SNAP47: variants seen among roughly 807,000 people sequenced by gnomAD.
SNAP47 encodes the protein synaptosome associated protein 47, also known as synaptosomal-associated protein 47.
A neutral mutation model predicts 31.4 loss-of-function variants in SNAP47; 20 were observed. That is an observed-to-expected ratio of 0.64 (90% CI 0.45 to 0.93). SNAP47 has a LOEUF of 0.93. Ranked by LOEUF, SNAP47 falls within the 40% of genes least tolerant of loss-of-function variation. The probability of loss-of-function intolerance (pLI) is 0.00; values close to 1 mark genes in which losing one functional copy is unlikely to be tolerated. For synonymous variants in SNAP47, 194 were observed against 213.4 expected (o/e 0.91, Z 0.79); for missense variants, 492 against 528.5 (o/e 0.93, Z 0.68).
intron 4 of SNAP47, among the ~76,000 whole-genome samples, chr1:227,773,005 G>C (rs1488883281): frequency 2.0e-5 from 3 of 152,086 alleles, no homozygotes; most frequent in Admixed American, 2.0e-4. Flanking sequence ...CTGTCTCCCA[G>C]GCTGGAGTGC....
Position 227,751,798 on chromosome 1 carries a change from C to T in SNAP47, c.497+3565C>T, listed in dbSNP as rs528173967. The stretch of plus-strand genomic sequence containing the variant: ...TTTTTTTTTGAGACGGAGTCTCGCT[C>T]TGTCTCCCAGGCTGGAGTGCAGTGG... On this transcript the variant is annotated intron_variant, in intron 2 of 4. Transcript: ENST00000617596. Among the ~76,000 whole-genome samples the T allele has an allele frequency of 1.1e-4, 12 of 113,820 alleles. No individual in the cohort carries two copies. In the East Asian group the frequency reaches 2.1e-3, roughly 20 times the overall value. The allele number at this position is 113,820 out of a possible 152,430, so 74.7% of individuals were successfully genotyped here.
At chr1:227,735,152 T>A (rs777101659), upstream of SNAP47, 4 of 1,581,540 alleles carry the variant, frequency 2.5e-6, no homozygotes, top group African/African-American at 4.1e-5. Flanking sequence ...AAAGTCGGCG[T>A]AGGAGAAGGC....
At chr1:227,750,713 C>T (rs74914234) in intron 2 of SNAP47, among the ~76,000 whole-genome samples, 2,734 of 152,300 alleles carry the variant, frequency 0.018, 84 homozygotes, top group African/African-American at 0.062. Flanking sequence ...TGGCCATAGG[C>T]GAGGGTGCTG....
chr1:227,757,334 T>C (rs556971355), intron 2 of SNAP47, among the ~76,000 whole-genome samples: 18 of 152,316 alleles, frequency 1.2e-4, no homozygotes, highest in African/African-American at 3.9e-4. Flanking sequence ...CAGACCATCT[T>C]GGGTGCAGCC....
upstream of SNAP47, chr1:227,735,410 A>T (rs1661048241): frequency 1.9e-6 from 3 of 1,557,056 alleles, no homozygotes; most frequent in East Asian, 2.4e-5. Context: ...GCCTGCACGC[A>T]TGCGCGCGGC....
intron 4 of SNAP47, 74 bp downstream of exon 4, chr1:227,767,157 T>C: frequency 6.3e-7 from 1 of 1,578,782 alleles, no homozygotes; most frequent in Non-Finnish European, 8.6e-7. Context: ...CTTGCCTTTC[T>C]GATCACAAAC....
intron 4 of SNAP47, among the ~76,000 whole-genome samples, chr1:227,774,424 G>A (rs879452726): frequency 1.3e-5 from 2 of 152,172 alleles, no homozygotes; most frequent in African/African-American, 2.4e-5. Flanking sequence ...GTCACCCACC[G>A]GGAGAGTGAG....
At chr1:227,770,959 G>A (rs1315912150) in intron 4 of SNAP47, among the ~76,000 whole-genome samples, 11 of 152,236 alleles carry the variant, frequency 7.2e-5, no homozygotes, top group Non-Finnish European at 1.3e-4. Flanking sequence ...CTGGGAGTGT[G>A]TGGAGCAGGC....
chr1:227,739,373 G>C (rs1466545096), intron 1 of SNAP47, among the ~76,000 whole-genome samples: 1 of 152,182 alleles, frequency 6.6e-6, no homozygotes, highest in African/African-American at 2.4e-5. Flanking sequence ...TACGCTTTGT[G>C]CCGAATATGT....
chr1:227,730,237 C>T (rs1189000117), upstream of SNAP47, among the ~76,000 whole-genome samples: 2 of 152,196 alleles, frequency 1.3e-5, no homozygotes, highest in African/African-American at 2.4e-5. Flanking sequence ...CCTGTCAGGC[C>T]TCTTGCAGAG....
At position 227,741,172 on chromosome 1, in the gene SNAP47, G is replaced by A. The variant is rs767266965; in HGVS notation, c.-46+5673G>A. Among the ~76,000 whole-genome samples, 14 of 152,170 alleles carry A rather than the reference G, an allele frequency of 9.2e-5. No individual in the cohort carries two copies. Among genetic ancestry groups the A allele is most frequent in the African/African-American group, 1.4e-4 (6 of 41,422 alleles). ...GTGATCAGATGTCCAAGTTTGAAGC[G>A]TGAGGGAGTCTGGCTGGAGTGGGTG... On this transcript the variant is annotated intron_variant, in intron 1 of 4. Transcript: ENST00000617596. This position sits in a 1 kb window ranked among gnomAD's most constrained non-coding sequence, Gnocchi z 4.2.
chr1:227,775,777 T>C (rs1291065466), intron 4 of SNAP47: 23 of 1,303,294 alleles, frequency 1.8e-5, no homozygotes, highest in Non-Finnish European at 2.2e-5. Context: ...TTCTCTTGTT[T>C]TTGCTCTGCA....
chr1:227,732,832 G>A (rs757573741), upstream of SNAP47: 4 of 1,608,058 alleles, frequency 2.5e-6, no homozygotes, highest in Non-Finnish European at 3.4e-6. Context: ...GAGCCATGCA[G>A]CCTAAAAGCC....
intron 1 of SNAP47, among the ~76,000 whole-genome samples, chr1:227,742,441 G>A (rs1661670495): frequency 6.6e-6 from 1 of 152,138 alleles, no homozygotes; most frequent in Admixed American, 6.5e-5. Flanking sequence ...GTGACCTTAG[G>A]TCTTTTAGTT....
intron 2 of SNAP47, among the ~76,000 whole-genome samples, chr1:227,757,898 TC>T (rs1397773864): frequency 2.6e-5 from 4 of 152,194 alleles, no homozygotes; most frequent in African/African-American, 9.6e-5. Context: ...TGGCAGCCAT[TC>T]CTTCAAATAA....
rs1022619965 is a variant in SNAP47, at chr1:227,741,382, C to T, written c.-46+5883C>T. ...CTGGAGACCTGGAGAGGGTAGTGGC[C>T]AGGGAGCCAGGGTGCAGTGACTCTC... On this transcript the variant is annotated intron_variant, in intron 1 of 4. Coordinates refer to ENST00000617596, the MANE Select transcript of SNAP47 (RefSeq NM_053052.4). This position sits in a 1 kb window ranked among gnomAD's most constrained non-coding sequence, Gnocchi z 4.2. Among the ~76,000 whole-genome samples, 1 of 152,106 alleles carries T rather than the reference C, an allele frequency of 6.6e-6. No individual in the cohort carries two copies. The highest frequency in any genetic ancestry group is 1.5e-5 in the Non-Finnish European group (1 of 68,014).
chr1:227,741,081 A>AG lies in SNAP47; in HGVS notation c.-46+5586dup, dbSNP rs1661567411. Among the ~76,000 whole-genome samples the AG allele has an allele frequency of 6.6e-6, 1 of 151,580 alleles. No homozygotes were observed. The highest frequency in any genetic ancestry group is 1.5e-5 in the Non-Finnish European group (1 of 67,910). ...TGGGGGCAGATACCCAGCAGGTGAT[A>AG]GGGGAGGAGCTGATGGAAGGAATGT... On this transcript the variant is annotated intron_variant, in intron 1 of 4. Transcript: ENST00000617596. This position sits in a 1 kb window ranked among gnomAD's most constrained non-coding sequence, Gnocchi z 4.2.
upstream of SNAP47, chr1:227,735,185 A>G: frequency 6.3e-7 from 1 of 1,580,762 alleles, no homozygotes; most frequent in Non-Finnish European, 8.6e-7. Context: ...GACGAAGGCT[A>G]CCCGGCCCGG....
At chr1:227,775,731 C>T (rs1664119776) in intron 4 of SNAP47, 1 of 1,291,870 alleles carries the variant, frequency 7.7e-7, no homozygotes, top group South Asian at 1.2e-5. Flanking sequence ...TATTTTTTGC[C>T]TTTATAAACA....
Sources: gnomAD v4.1 joint callset for allele counts (sites outside exome capture counted in the v4.1 genomes callset) on GRCh38, gnomAD v4.1.1 for gene constraint, Gnocchi (gnomAD v3.1) non-coding constraint, MANE v1.5 for transcripts, NCBI Gene and HGNC (gene_info 2026-07-23, HGNC 2026-07-21) for gene names.